EYS: variants seen among roughly 807,000 people sequenced by gnomAD.
EYS encodes EGF-like photoreceptor maintenance factor.
In EYS, 250 loss-of-function variants were observed where a neutral mutation model predicts 282.1. The ratio of observed to expected loss-of-function variants is 0.89; its 90% CI spans 0.80 to 0.98. The LOEUF (loss-of-function observed/expected upper bound fraction) is 0.98, where lower values mean the gene tolerates loss of function less well. Among genes scored for constraint, EYS ranks in the 50% least tolerant of loss-of-function variants. EYS has a pLI of 0.00. For missense variants in EYS, 4,016 were observed against 3,709.0 expected (o/e 1.08, Z -2.15); for synonymous variants, 1,355 against 1,282.9 (o/e 1.06, Z -1.20).
intron 2 of EYS, among the ~76,000 whole-genome samples, chr6:65,611,154 C>T (rs756088317): frequency 2.7e-5 from 4 of 150,638 alleles, no homozygotes; most frequent in Non-Finnish European, 4.4e-5. Flanking sequence ...AATCAAATAA[C>T]CGTGTGGGTA....
In EYS at chr6:64,306,956, T is replaced by C. The variant is rs1769468826; in HGVS notation, c.6191+14A>G. Reference sequence around the variant, plus strand: ...TTGAACAAGTTATTAGAAAAATCACTACTGCTATTTTACCTGCAATTGTTA... The same window carrying C: ...TTGAACAAGTTATTAGAAAAATCACCACTGCTATTTTACCTGCAATTGTTA... On this transcript the variant is annotated intron_variant, in intron 30 of 42. Transcript: ENST00000503581. 8.3e-7 allele frequency: 1 copy of C among 1,198,526 alleles called. No individual in the cohort carries two copies. The highest frequency in any genetic ancestry group is 1.2e-6 in the Non-Finnish European group (1 of 828,978). The allele number at this position is 1,198,526 out of a possible 1,614,324, so 74.2% of individuals were successfully genotyped here.
At chr6:63,954,629 C>G (rs186196637) in intron 35 of EYS, among the ~76,000 whole-genome samples, 133 of 152,228 alleles carry the variant, frequency 8.7e-4, no homozygotes, top group African/African-American at 3.1e-3. Context: ...AACGCTTATG[C>G]TGATAAGGTA....
chr6:64,498,330 GA>G (rs1008138702), intron 26 of EYS, among the ~76,000 whole-genome samples: 10 of 152,090 alleles, frequency 6.6e-5, no homozygotes, highest in African/African-American at 2.4e-4. Context: ...AATAGGTCCT[GA>G]AAACAATTTT....
intron 5 of EYS, among the ~76,000 whole-genome samples, chr6:65,426,018 T>TA (rs1358688105): frequency 1.3e-5 from 2 of 152,100 alleles, no homozygotes; most frequent in Non-Finnish European, 2.9e-5. Flanking sequence ...CTCTGTCCCA[T>TA]AAGCTAGAGT....
intron 7 of EYS, among the ~76,000 whole-genome samples, chr6:65,402,205 A>G (rs1035101805): frequency 6.6e-6 from 1 of 151,816 alleles, no homozygotes; most frequent in Admixed American, 6.6e-5. Flanking sequence ...ATTTGATTAT[A>G]TTAAAACCTC....
intron 8 of EYS, among the ~76,000 whole-genome samples, chr6:65,356,848 A>C (rs1764505163): frequency 6.6e-6 from 1 of 152,040 alleles, no homozygotes; most frequent in Non-Finnish European, 1.5e-5. Flanking sequence ...ATATAGGTCT[A>C]TCTCTGATTC....
At chr6:65,391,787 C>G (rs555117497) in intron 7 of EYS, among the ~76,000 whole-genome samples, 1 of 151,544 alleles carries the variant, frequency 6.6e-6, no homozygotes, top group African/African-American at 2.4e-5. Flanking sequence ...ATCAAGCTAC[C>G]AATGACTTTC....
intron 5 of EYS, among the ~76,000 whole-genome samples, chr6:65,428,323 A>G (rs1029630675): frequency 1.3e-5 from 2 of 152,218 alleles, no homozygotes; most frequent in Admixed American, 6.5e-5. Context: ...GAATATATAC[A>G]TAGAATGGTT....
At chr6:65,414,617 A>C (rs1431245656) in intron 5 of EYS, among the ~76,000 whole-genome samples, 1 of 152,152 alleles carries the variant, frequency 6.6e-6, no homozygotes, top group African/African-American at 2.4e-5. Context: ...AGAAAGGATT[A>C]ATCTTTTCTA....
At chr6:64,791,062 T>G (rs1400566787) in intron 22 of EYS, among the ~76,000 whole-genome samples, 4 of 151,898 alleles carry the variant, frequency 2.6e-5, no homozygotes, top group Admixed American at 2.0e-4. Flanking sequence ...TTCCTGTAGA[T>G]AAAAGCCTAA....
intron 31 of EYS, among the ~76,000 whole-genome samples, chr6:64,120,907 TCA>T (rs1291645085): frequency 2.0e-5 from 3 of 152,232 alleles, no homozygotes; most frequent in Non-Finnish European, 4.4e-5. Context: ...GGTTGGAGAC[TCA>T]CAATCTACTT....
At chr6:64,866,791 C>G (rs1044064440) in intron 19 of EYS, among the ~76,000 whole-genome samples, 1 of 151,460 alleles carries the variant, frequency 6.6e-6, no homozygotes, top group Non-Finnish European at 1.5e-5. Flanking sequence ...AAAGTTGCTC[C>G]ACTGTCCTGA....
At chr6:65,536,122 A>G (rs1767954674) in intron 2 of EYS, among the ~76,000 whole-genome samples, 1 of 152,142 alleles carries the variant, frequency 6.6e-6, no homozygotes, top group South Asian at 2.1e-4. Flanking sequence ...TATGGGGAAG[A>G]AGACAATGAC....
At chr6:64,059,838 A>T (rs1771103929) in intron 33 of EYS, among the ~76,000 whole-genome samples, 1 of 152,200 alleles carries the variant, frequency 6.6e-6, no homozygotes, top group Non-Finnish European at 1.5e-5. Context: ...GTGCAAGAGT[A>T]ATGTTTAGCT....
Position 63,802,728 on chromosome 6 carries a change from C to A in EYS, c.7411+3462G>T, listed in dbSNP as rs944512370. Among the ~76,000 whole-genome samples the A allele has an allele frequency of 3.3e-5, 5 of 151,474 alleles. No individual in the cohort carries two copies. In the East Asian group the frequency reaches 9.6e-4, roughly 29 times the overall value. On this transcript the variant is annotated intron_variant, in intron 37 of 42. Coordinates refer to ENST00000503581, the MANE Select transcript of EYS (RefSeq NM_001142800.2). The stretch of plus-strand genomic sequence containing the variant: ...TCACGTTATACCCCATAAATATGTA[C>A]AATTATTGTGTCCATTTAAAGAAAA...
At chr6:64,457,378 A>G (rs1414877464) in intron 26 of EYS, among the ~76,000 whole-genome samples, 1 of 151,950 alleles carries the variant, frequency 6.6e-6, no homozygotes, top group African/African-American at 2.4e-5. Context: ...CTTTAGGTCC[A>G]TTTGCTCTAG....
intron 1 of EYS, among the ~76,000 whole-genome samples, chr6:65,648,576 G>T (rs1156246998): frequency 6.6e-6 from 1 of 152,018 alleles, no homozygotes; most frequent in African/African-American, 2.4e-5. Context: ...AGGGTCGTGA[G>T]GAGTAAAAGA....
At chr6:64,462,659 CT>C (rs1443553829) in intron 26 of EYS, among the ~76,000 whole-genome samples, 1 of 152,024 alleles carries the variant, frequency 6.6e-6, no homozygotes, top group African/African-American at 2.4e-5. Context: ...ATTCTCAGAT[CT>C]CCCAAGTCTG....
rs935298110 is a variant in EYS at position 63,997,130 on chromosome 6, C to T, written c.6834+1945G>A. ...GTCCGTGACTCTTAAAATTAAATAGCTTCAGCTCACAAAATTTTCAGTTCT... is the reference window on the plus strand; with the variant it reads ...GTCCGTGACTCTTAAAATTAAATAGTTTCAGCTCACAAAATTTTCAGTTCT... On this transcript the variant is annotated intron_variant, in intron 34 of 42. Coordinates refer to ENST00000503581, the MANE Select transcript of EYS (RefSeq NM_001142800.2). Among the ~76,000 whole-genome samples, 8 of 152,300 alleles carry T rather than the reference C, an allele frequency of 5.3e-5. No individual in the cohort carries two copies. The South Asian group carries it at 8.3e-4, about 16-fold the overall frequency.
Sources: allele counts gnomAD v4.1 joint callset (sites outside exome capture counted in the v4.1 genomes callset), GRCh38; gene constraint gnomAD v4.1.1; transcripts MANE v1.5; gene names NCBI Gene and HGNC (gene_info 2026-07-23, HGNC 2026-07-21).